The following TGFBR3 variants were observed in gnomAD, a reference collection of about 807,000 sequenced individuals.
TGFBR3 encodes transforming growth factor beta receptor type 3.
Under a neutral mutation model 87.9 loss-of-function variants are expected in TGFBR3, and 46 were observed. The observed-to-expected ratio is 0.52, with a 90% confidence interval of 0.41 to 0.67. TGFBR3 has a LOEUF of 0.67. TGFBR3 is among the 30% of genes least tolerant of loss of function. The pLI, the probability that TGFBR3 is intolerant of heterozygous loss-of-function variation, is 0.00. For synonymous variants in TGFBR3, 381 were observed against 391.6 expected (o/e 0.97, Z 0.32); for missense variants, 866 against 1,041.9 (o/e 0.83, Z 2.32).
chr1:91,692,495 A>G (rs1671299170), intron 16 of TGFBR3, among the ~76,000 whole-genome samples: 1 of 152,136 alleles, frequency 6.6e-6, no homozygotes, highest in African/African-American at 2.4e-5. Flanking sequence ...AAATAAAAGC[A>G]TTTGTTCCTC....
chr1:91,886,258 G>A (rs556829000), upstream of TGFBR3: 312 of 436,602 alleles, frequency 7.1e-4, 4 homozygotes, highest in African/African-American at 5.9e-3. Flanking sequence ...GCGCTCCTCC[G>A]CCGGCCCCAC....
intron 3 of TGFBR3, among the ~76,000 whole-genome samples, chr1:91,764,568 C>T (rs1674102514): frequency 6.6e-6 from 1 of 152,036 alleles, no homozygotes; most frequent in African/African-American, 2.4e-5. Flanking sequence ...GCAGCCACAG[C>T]TCCCCCGGCT....
intron 7 of TGFBR3, among the ~76,000 whole-genome samples, chr1:91,727,024 C>A (rs775061929): frequency 6.6e-6 from 1 of 152,172 alleles, no homozygotes; most frequent in Admixed American, 6.5e-5. Flanking sequence ...AAGCCTTGTG[C>A]GTACATCTCT....
At chr1:91,819,240 C>T (rs578160261) in intron 2 of TGFBR3, among the ~76,000 whole-genome samples, 3 of 152,132 alleles carry the variant, frequency 2.0e-5, no homozygotes, top group East Asian at 1.9e-4. Flanking sequence ...TGGTGGCATG[C>T]GCCTGTAATC....
At chr1:91,683,892 A>G (rs1165283513) in intron 16 of TGFBR3, 35 bp from the exon 17 acceptor site, 1 of 1,531,358 alleles carries the variant, frequency 6.5e-7, no homozygotes, top group South Asian at 1.2e-5. Flanking sequence ...AGTCAGAGAA[A>G]GACGCATATT....
chr1:91,681,988 T>C lies in TGFBR3; in HGVS notation c.*1751A>G, dbSNP rs1468528468. 2 of 453,896 alleles carry C rather than the reference T, an allele frequency of 4.4e-6. No homozygotes were observed. Among genetic ancestry groups the C allele is most frequent in the East Asian group, 1.4e-4 (2 of 14,396 alleles). 28.1% of individuals were successfully genotyped at this position (453,896 alleles called of 1,614,324 possible). Reference sequence around the variant, plus strand: ...CTAGAAATTTTTCAGTAGATCAATGTAGATAGCCTGGAAATCTCAGCCCTA... The same window carrying C: ...CTAGAAATTTTTCAGTAGATCAATGCAGATAGCCTGGAAATCTCAGCCCTA... On this transcript the variant is annotated 3_prime_UTR_variant, in exon 17 of 17. Transcript: ENST00000212355.
intron 1 of TGFBR3, among the ~76,000 whole-genome samples, chr1:91,902,077 A>C (rs1405752010): frequency 6.6e-6 from 1 of 152,194 alleles, no homozygotes; most frequent in African/African-American, 2.4e-5. Flanking sequence ...ACAGTATTTA[A>C]TTGCCCCTAC....
intron 2 of TGFBR3, among the ~76,000 whole-genome samples, chr1:91,834,613 T>C (rs567985142): frequency 1.3e-4 from 20 of 152,256 alleles, no homozygotes; most frequent in Non-Finnish European, 1.9e-4. Context: ...TCTGCTTTCA[T>C]GGAGCTTCCA....
At position 91,680,914 on chromosome 1, in the gene TGFBR3, C is replaced by T. The variant is rs1387420117; in HGVS notation, c.*2825G>A. The T allele has an allele frequency of 4.4e-6, 2 of 453,918 alleles. No individual in the cohort carries two copies. Among genetic ancestry groups the T allele is most frequent in the African/African-American group, 4.0e-5 (2 of 49,992 alleles). 28.1% of individuals were successfully genotyped at this position (453,918 alleles called of 1,614,324 possible). Reference sequence around the variant, plus strand: ...TAGAAACAGTTTAGACAGAAGAAATCTCTGGCTTTTTAAAATACAGAGTAA... The same window carrying T: ...TAGAAACAGTTTAGACAGAAGAAATTTCTGGCTTTTTAAAATACAGAGTAA... On this transcript the variant is annotated 3_prime_UTR_variant, in exon 17 of 17. Coordinates refer to ENST00000212355, the MANE Select transcript of TGFBR3 (RefSeq NM_003243.5).
chr1:91,822,307 A>T lies in TGFBR3; in HGVS notation c.62-24836T>A, dbSNP rs12039847. Among the ~76,000 whole-genome samples, 305 of 110,802 alleles carry T rather than the reference A, an allele frequency of 2.8e-3. 2 individuals are homozygous for T. In the Middle Eastern group the frequency reaches 0.034, roughly 12 times the overall value. 72.7% of individuals were successfully genotyped at this position (110,802 alleles called of 152,430 possible). The stretch of plus-strand genomic sequence containing the variant: ...GAGCAAAGCATTAAAAAAAAAAAAA[A>T]AAAAAAAAAAAAAAAAGATGAATCT... On this transcript the variant is annotated intron_variant, in intron 2 of 16. Coordinates refer to ENST00000212355, the MANE Select transcript of TGFBR3 (RefSeq NM_003243.5).
intron 2 of TGFBR3, among the ~76,000 whole-genome samples, chr1:91,848,967 T>C (rs769249155): frequency 6.6e-5 from 10 of 152,224 alleles, no homozygotes; most frequent in Non-Finnish European, 1.3e-4. Flanking sequence ...TTATCTTTAA[T>C]ATTAGGCTAT....
chr1:91,740,326 T>C (rs1673118463), intron 4 of TGFBR3, among the ~76,000 whole-genome samples: 1 of 151,250 alleles, frequency 6.6e-6, no homozygotes, highest in African/African-American at 2.4e-5. Flanking sequence ...CCCAAAGTGC[T>C]GGGATTACAG....
chr1:91,720,450 G>A (rs1672327604), intron 8 of TGFBR3, among the ~76,000 whole-genome samples: 1 of 152,224 alleles, frequency 6.6e-6, no homozygotes, highest in African/African-American at 2.4e-5. Context: ...TTGCTTCTCT[G>A]TGCCTCAAAT....
At chr1:91,873,206 T>C (rs557864326) in intron 1 of TGFBR3, among the ~76,000 whole-genome samples, 417 of 151,826 alleles carry the variant, frequency 2.7e-3, no homozygotes, top group Non-Finnish European at 5.2e-3. Context: ...CTTTGCCTCA[T>C]ATAATCCTCC....
At chr1:91,850,017 C>T (rs1571570978) in intron 2 of TGFBR3, among the ~76,000 whole-genome samples, 1 of 134,686 alleles carries the variant, frequency 7.4e-6, no homozygotes. Flanking sequence ...GGAGGCAGAG[C>T]TTGCAGTGAG....
chr1:91,811,888 CT>C (rs754451265), intron 2 of TGFBR3, among the ~76,000 whole-genome samples: 1,763 of 141,274 alleles, frequency 0.012, 17 homozygotes, highest in African/African-American at 0.033. Flanking sequence ...GCTGATTTCC[CT>C]TTTTTTTTTT....
At chr1:91,884,117 C>T (rs1424571806) in intron 1 of TGFBR3, among the ~76,000 whole-genome samples, 2 of 152,032 alleles carry the variant, frequency 1.3e-5, no homozygotes. Flanking sequence ...GTCAAGAAAT[C>T]GAGACCATCC....
intron 2 of TGFBR3, among the ~76,000 whole-genome samples, chr1:91,798,432 C>G (rs1022389327): frequency 6.6e-6 from 1 of 152,188 alleles, no homozygotes; most frequent in African/African-American, 2.4e-5. Context: ...CCTCCCCACT[C>G]CACGTCAACT....
At chr1:91,757,202 G>A (rs1270379303) in intron 4 of TGFBR3, among the ~76,000 whole-genome samples, 2 of 152,070 alleles carry the variant, frequency 1.3e-5, no homozygotes, top group Non-Finnish European at 2.9e-5. Flanking sequence ...AAGATTATAG[G>A]CCAGTTATCT....
Sources: allele counts gnomAD v4.1 joint callset (sites outside exome capture counted in the v4.1 genomes callset), GRCh38; gene constraint gnomAD v4.1.1; transcripts MANE v1.5; gene names NCBI Gene and HGNC (gene_info 2026-07-23, HGNC 2026-07-21).